The following PCDHGA6 variants were observed in gnomAD, a reference collection of about 807,000 sequenced individuals.
PCDHGA6 encodes the protein protocadherin gamma subfamily A, 6, also known as protocadherin gamma-A6.
In PCDHGA6, 41 loss-of-function variants were observed where a neutral mutation model predicts 60.6. The observed-to-expected ratio is 0.68, with a 90% confidence interval of 0.53 to 0.88. The LOEUF (loss-of-function observed/expected upper bound fraction) is 0.88. Ranked by LOEUF, PCDHGA6 falls within the 40% of genes least tolerant of loss-of-function variation. The probability of loss-of-function intolerance (pLI) is 0.00; values close to 1 mark genes in which losing one functional copy is unlikely to be tolerated. For missense variants in PCDHGA6, 1,312 were observed against 1,203.0 expected, an observed-to-expected ratio of 1.09 and a Z score of -1.34; for synonymous variants, 594 against 524.4, an observed-to-expected ratio of 1.13 and a Z score of -1.81.
chr5:141,415,756 T>C, intron 1 of PCDHGA6: 2 of 1,387,344 alleles, frequency 1.4e-6, no homozygotes, highest in Non-Finnish European at 1.9e-6. Flanking sequence ...TTTTTTTTTT[T>C]TTTTTTTTTT....
At position 141,432,181 on chromosome 5, in the gene PCDHGA6, G is replaced by A. The variant is rs1443322706; in HGVS notation, c.2424+55674G>A. 3.7e-6 allele frequency: 6 copies of A among 1,614,116 alleles called. No homozygotes were observed. In the South Asian group the frequency reaches 6.6e-5, roughly 18 times the overall value. On this transcript the variant is annotated intron_variant, in intron 1 of 3. Coordinates refer to ENST00000517434, the MANE Select transcript of PCDHGA6 (RefSeq NM_018919.3). This position sits in a 1 kb window ranked among gnomAD's most constrained non-coding sequence, Gnocchi z 6.0. ...CCAGAGGAGTTTCCCTCGTCTCTGTGACCGCCCACGACCCCGACTGTGAAG... is the reference window on the plus strand; with the variant it reads ...CCAGAGGAGTTTCCCTCGTCTCTGTAACCGCCCACGACCCCGACTGTGAAG...
rs750310317 is a variant in PCDHGA6 at position 141,385,220 on chromosome 5, A to G, written c.2424+8713A>G. 8 of 1,614,172 alleles carry G rather than the reference A, an allele frequency of 5.0e-6. No homozygotes were observed. The South Asian group carries it at 7.7e-5, about 16-fold the overall frequency. ...AGTCACCTGATCTTCCCCCAGCCCA[A>G]CTATGTAGACATGCTCATCAGCCAG... On this transcript the variant is annotated intron_variant, in intron 1 of 3. Transcript: ENST00000517434.
intron 1 of PCDHGA6, among the ~76,000 whole-genome samples, chr5:141,437,811 C>A (rs964885701): frequency 6.6e-6 from 1 of 150,864 alleles, no homozygotes; most frequent in African/African-American, 2.4e-5. Flanking sequence ...TATCTTGGCT[C>A]ACTGCAACCT....
At chr5:141,398,534 A>T in intron 1 of PCDHGA6, 1 of 1,613,768 alleles carries the variant, frequency 6.2e-7, no homozygotes, top group South Asian at 1.1e-5. Flanking sequence ...TTCACGCAAA[A>T]TTCCTTTGAG....
intron 2 of PCDHGA6, among the ~76,000 whole-genome samples, chr5:141,500,112 C>G (rs2099796438): frequency 6.8e-6 from 1 of 147,138 alleles, no homozygotes; most frequent in Non-Finnish European, 1.5e-5. Context: ...TGTTGAATCC[C>G]TGCCTTTTCA....
At chr5:141,409,702 G>C (rs545411022) in intron 1 of PCDHGA6, 2 of 1,613,108 alleles carry the variant, frequency 1.2e-6, no homozygotes, top group African/African-American at 2.7e-5. Context: ...AGCCCCTGGC[G>C]GTGTCGTCAT....
chr5:141,423,364 C>G (rs1299667864), intron 1 of PCDHGA6: 2 of 1,614,102 alleles, frequency 1.2e-6, no homozygotes, highest in East Asian at 4.5e-5. Flanking sequence ...CATCGTGCTG[C>G]TGGCACTCAG....
At chr5:141,403,594 C>A in intron 1 of PCDHGA6, 2 of 1,613,848 alleles carry the variant, frequency 1.2e-6, no homozygotes, top group Non-Finnish European at 1.7e-6. Context: ...TCCTCACGGC[C>A]TCGGATGGCG....
rs768233872 is a variant in PCDHGA6 at position 141,375,477 on chromosome 5, AC to A, written c.1398del (p.Arg467GlyfsTer8). The A allele has an allele frequency of 3.1e-6, 5 of 1,613,798 alleles. No individual in the cohort carries two copies. The highest frequency in any genetic ancestry group is 4.2e-6 in the Non-Finnish European group (5 of 1,179,940). On this transcript the variant is annotated frameshift_variant, in exon 1 of 4. Coordinates refer to ENST00000517434, the MANE Select transcript of PCDHGA6 (RefSeq NM_018919.3). LOFTEE classifies it high-confidence loss of function. Reference sequence around the variant, plus strand: ...TACTCAGTCTATGTCCTTGAAAACAACCCCAGGGGTGCCTCCATCTTCTCTG... The same window carrying A: ...TACTCAGTCTATGTCCTTGAAAACAACCCAGGGGTGCCTCCATCTTCTCTG... ...SSYSVYVLEN[N>X]PRGASIFSVN...
At chr5:141,408,598 A>G (rs1391583761) in intron 1 of PCDHGA6, 1 of 1,614,070 alleles carries the variant, frequency 6.2e-7, no homozygotes, top group Admixed American at 1.7e-5. Flanking sequence ...ACGCCCCTCA[A>G]TTTGATAAAA....
At chr5:141,457,071 C>T in intron 1 of PCDHGA6, among the ~76,000 whole-genome samples, 1 of 152,188 alleles carries the variant, frequency 6.6e-6, no homozygotes, top group Non-Finnish European at 1.5e-5. Context: ...TTGCCAGTAA[C>T]TATTATCCCT....
chr5:141,400,003 C>T, intron 1 of PCDHGA6: 5 of 1,612,396 alleles, frequency 3.1e-6, no homozygotes, highest in Non-Finnish European at 4.2e-6. Flanking sequence ...GCGCACAGCG[C>T]GTGCCTTGGG....
intron 1 of PCDHGA6, chr5:141,399,759 G>A: frequency 1.2e-6 from 2 of 1,613,348 alleles, no homozygotes; most frequent in Non-Finnish European, 1.7e-6. Flanking sequence ...ACGTGAGCCT[G>A]CGCGTGTTGG....
chr5:141,386,612 T>C (rs2090642858), intron 1 of PCDHGA6, among the ~76,000 whole-genome samples: 1 of 152,012 alleles, frequency 6.6e-6, no homozygotes, highest in South Asian at 2.1e-4. Context: ...TTTTTTGACA[T>C]GGAGTCTCGC....
rs755499740 is a variant in PCDHGA6 at position 141,389,751 on chromosome 5, G to C, written c.2424+13244G>C. 1.9e-6 allele frequency: 3 copies of C among 1,612,800 alleles called. No individual in the cohort carries two copies. The highest frequency in any genetic ancestry group is 1.1e-5 in the South Asian group (1 of 91,032). ...CTTCAGCCTGGGGCTGCGCACGGGC[G>C]AAGTGCGCACAGCGCGTGCCTTAGG... On this transcript the variant is annotated intron_variant, in intron 1 of 3. Coordinates refer to ENST00000517434, the MANE Select transcript of PCDHGA6 (RefSeq NM_018919.3).
At chr5:141,394,507 C>T in intron 1 of PCDHGA6, 1 of 1,614,214 alleles carries the variant, frequency 6.2e-7, no homozygotes, top group South Asian at 1.1e-5. Flanking sequence ...ATCCTGTACC[C>T]CGCCCTCCCC....
chr5:141,438,627 T>C (rs55817844), intron 1 of PCDHGA6, among the ~76,000 whole-genome samples: 510 of 47,978 alleles, frequency 0.011, 3 homozygotes, highest in Admixed American at 0.017. Context: ...TATATATATA[T>C]ATATATATAC....
At chr5:141,421,325 G>T in intron 1 of PCDHGA6, 1 of 1,613,906 alleles carries the variant, frequency 6.2e-7, no homozygotes, top group Non-Finnish European at 8.5e-7. Flanking sequence ...AGGCAGATCC[G>T]ATATTCGGTG....
Position 141,390,351 on chromosome 5 carries a change from C to T in PCDHGA6, c.2424+13844C>T, listed in dbSNP as rs1561631456. 5 of 1,558,898 alleles carry T rather than the reference C, an allele frequency of 3.2e-6. No homozygotes were observed. The Admixed American group carries it at 9.1e-5, about 28-fold the overall frequency. On this transcript the variant is annotated intron_variant, in intron 1 of 3. Transcript: ENST00000517434. ...TTCTCCATATTCACAAGAAAATATA[C>T]ATATTTGCAGGAAAATATATAATTT...
Sources: allele counts gnomAD v4.1 joint callset (sites outside exome capture counted in the v4.1 genomes callset), GRCh38; gene constraint gnomAD v4.1.1; non-coding constraint Gnocchi (gnomAD v3.1); transcripts MANE v1.5; gene names NCBI Gene and HGNC (gene_info 2026-07-23, HGNC 2026-07-21).